PFKP: variants seen among roughly 807,000 people sequenced by gnomAD.
PFKP encodes phosphofructokinase, platelet.
Under a neutral mutation model 94.3 loss-of-function variants are expected in PFKP, and 101 were observed. That is an observed-to-expected ratio of 1.07 (90% CI 0.91 to 1.26). The LOEUF is 1.26. Ranked by LOEUF, PFKP falls within the 50% of genes most tolerant of loss-of-function variation. The pLI is 0.00. For missense variants in PFKP, 1,145 were observed against 1,103.3 expected, an observed-to-expected ratio of 1.04 and a Z score of -0.53; for synonymous variants, 573 against 432.6, an observed-to-expected ratio of 1.32 and a Z score of -4.03.
In PFKP at chr10:3,099,259, T is replaced by C. The variant is rs772116899; in HGVS notation, c.187-16T>C. 3.1e-6 allele frequency: 5 copies of C among 1,600,426 alleles called. No homozygotes were observed. The highest frequency in any genetic ancestry group is 4.3e-6 in the Non-Finnish European group (5 of 1,167,852). On this transcript the variant is annotated splice_polypyrimidine_tract_variant and intron_variant, in intron 2 of 21. Transcript: ENST00000381125. ...AGTTTATCTCATTTTTAAAAGATTCTCCCTTTCTCCCCTAGGGCTACCAGG... is the reference window on the plus strand; with the variant it reads ...AGTTTATCTCATTTTTAAAAGATTCCCCCTTTCTCCCCTAGGGCTACCAGG...
In PFKP at chr10:3,109,447, C is replaced by CGT; in HGVS notation, c.1058_1059dup (p.Arg354CysfsTer5). The CGT allele has an allele frequency of 6.2e-7, 1 of 1,606,836 alleles. No homozygotes were observed. Among genetic ancestry groups the CGT allele is most frequent in the Non-Finnish European group, 8.5e-7 (1 of 1,179,820 alleles). On this transcript the variant is annotated frameshift_variant, in exon 10 of 22. Transcript: ENST00000381125. LOFTEE classifies it high-confidence loss of function. ...TCGTGTCACTGAACGGGAACCACGC[C>CGT]GTGCGCCTGCCGCTGATGGAGTGCG... is the stretch of plus-strand genomic sequence containing the variant.
intron 11 of PFKP, 47 bp from the exon 12 acceptor site, chr10:3,113,072 G>T (rs7915793): frequency 0.25 from 394,907 of 1,553,118 alleles, 51,903 homozygotes; most frequent in Admixed American, 0.34. Context: ...GCCCTGAGTT[G>T]TGTCCGGTAT....
Position 3,134,019 on chromosome 10 carries a change from G to C in PFKP, c.2023-464G>C, listed in dbSNP as rs554004948. On this transcript the variant is annotated intron_variant, in intron 19 of 21. Coordinates refer to ENST00000381125, the MANE Select transcript of PFKP (RefSeq NM_002627.5). Reference sequence around the variant, plus strand: ...ACACACGTGTTATGAGCTGAGCCTGGGACACAGGGTCCAGGCCTCCTAACT... The same window carrying C: ...ACACACGTGTTATGAGCTGAGCCTGCGACACAGGGTCCAGGCCTCCTAACT... Among the ~76,000 whole-genome samples the C allele has an allele frequency of 2.0e-5, 3 of 152,180 alleles. No individual in the cohort carries two copies. In the South Asian group the frequency reaches 6.2e-4, roughly 32 times the overall value.
chr10:3,069,357 C>T, intron 1 of PFKP: 2 of 1,589,526 alleles, frequency 1.3e-6, no homozygotes, highest in Non-Finnish European at 1.7e-6. Context: ...ATAGCCTGGC[C>T]CGCGTGACTT....
At position 3,132,376 on chromosome 10, in the gene PFKP, C is replaced by T; in HGVS notation, c.1849-4C>T. ...TGTCTGATTAACAAAATACTCTCTT[C>T]CAGTCCAACGTGGAGCACCTGACGG... is the stretch of plus-strand genomic sequence containing the variant. On this transcript the variant is annotated splice_region_variant and splice_polypyrimidine_tract_variant and intron_variant, in intron 17 of 21. Coordinates refer to ENST00000381125, the MANE Select transcript of PFKP (RefSeq NM_002627.5). 1.9e-6 allele frequency: 3 copies of T among 1,604,562 alleles called. No homozygotes were observed. Among genetic ancestry groups the T allele is most frequent in the South Asian group, 1.1e-5 (1 of 90,864 alleles).
At chr10:3,105,049 G>C in intron 5 of PFKP, 66 bp from the exon 6 acceptor site, 1 of 1,470,338 alleles carries the variant, frequency 6.8e-7, no homozygotes, top group Non-Finnish European at 9.5e-7. Context: ...CCAGGACTGA[G>C]TGGGTGCTCC....
At chr10:3,078,161 C>T (rs889335811) in intron 1 of PFKP, among the ~76,000 whole-genome samples, 3 of 152,188 alleles carry the variant, frequency 2.0e-5, no homozygotes, top group Non-Finnish European at 2.9e-5. Context: ...CCAGGGCCCA[C>T]GGACAGCCCT....
At chr10:3,082,309 C>A in intron 1 of PFKP, 79 bp from the exon 2 acceptor site, 1 of 1,024,502 alleles carries the variant, frequency 9.8e-7, no homozygotes, top group South Asian at 1.6e-5. Flanking sequence ...GGAAACGGAC[C>A]CATGGTCATG....
intron 4 of PFKP, 89 bp from the exon 5 acceptor site, chr10:3,103,690 C>A: frequency 7.9e-7 from 1 of 1,264,168 alleles, no homozygotes; most frequent in Non-Finnish European, 1.1e-6. Context: ...ATTTCTCTAC[C>A]CATGGCCATT....
intron 1 of PFKP, among the ~76,000 whole-genome samples, chr10:3,081,513 C>G (rs1833074939): frequency 6.6e-6 from 1 of 152,238 alleles, no homozygotes; most frequent in Admixed American, 6.5e-5. Context: ...CTCAGGTGTT[C>G]CTCATCCTTA....
At chr10:3,092,253 C>G (rs1216052448) in intron 2 of PFKP, among the ~76,000 whole-genome samples, 1 of 152,208 alleles carries the variant, frequency 6.6e-6, no homozygotes, top group African/African-American at 2.4e-5. Context: ...CTGAGCATTA[C>G]AGCTTGACTT....
At chr10:3,131,202 G>A (rs867682470) in intron 17 of PFKP, among the ~76,000 whole-genome samples, 3 of 152,198 alleles carry the variant, frequency 2.0e-5, no homozygotes, top group Non-Finnish European at 1.5e-5. Context: ...ACAATTGCCT[G>A]CAGTATTCAA....
intron 4 of PFKP, 108 bp downstream of exon 4, chr10:3,101,662 T>A: frequency 1.4e-6 from 1 of 733,776 alleles, no homozygotes; most frequent in East Asian, 3.0e-5. Context: ...TTCTCACAGA[T>A]CTTACAGGTC....
chr10:3,126,388 C>A (rs1427804389), intron 16 of PFKP, among the ~76,000 whole-genome samples: 1 of 152,214 alleles, frequency 6.6e-6, no homozygotes, highest in African/African-American at 2.4e-5. Context: ...CGCACTTGAC[C>A]CCTGTTGGGT....
chr10:3,091,855 G>C (rs1359187374), intron 2 of PFKP, among the ~76,000 whole-genome samples: 1 of 152,174 alleles, frequency 6.6e-6, no homozygotes, highest in Admixed American at 6.5e-5. Context: ...GCTCTAGACA[G>C]CTGTTTGTAA....
chr10:3,113,150 C>T lies in PFKP; in HGVS notation c.1186C>T (p.Arg396Ter), dbSNP rs758132083. 3.0e-5 allele frequency: 49 copies of T among 1,613,220 alleles called. No homozygotes were observed. Among genetic ancestry groups the T allele is most frequent in the Admixed American group, 5.0e-5 (3 of 59,958 alleles). The stretch of plus-strand genomic sequence containing the variant: ...TGCGGGCAACCTGAACACCTACAAG[C>T]GACTTGCCATCAAGCTGCCGGATGA... Reference protein sequence around the residue: ...SFAGNLNTYKRLAIKLPDDQI... With the variant: ...SFAGNLNTYK The change falls in exon 12 of 22, where the codon CGA (arginine) becomes TGA (stop). Residue 396 changes from arginine (R) to a stop codon, truncating the protein, a stop_gained. Coordinates refer to ENST00000381125, the MANE Select transcript of PFKP (RefSeq NM_002627.5). LOFTEE classifies it high-confidence loss of function.
intron 1 of PFKP, among the ~76,000 whole-genome samples, chr10:3,072,908 C>A (rs1179893761): frequency 6.6e-6 from 1 of 151,974 alleles, no homozygotes; most frequent in Non-Finnish European, 1.5e-5. Context: ...GAATATAGAA[C>A]AGAGGGCCGT....
intron 17 of PFKP, among the ~76,000 whole-genome samples, chr10:3,131,191 C>T (rs927580950): frequency 2.6e-5 from 4 of 152,142 alleles, no homozygotes; most frequent in Admixed American, 1.3e-4. Context: ...TGTTTAGATA[C>T]ACAATTGCCT....
chr10:3,125,160 C>T (rs1564344515), intron 16 of PFKP: 1 of 1,350,580 alleles, frequency 7.4e-7, no homozygotes, highest in African/African-American at 1.5e-5. Context: ...TTGCATCCCC[C>T]TGTGTGTGGT....
Sources: gnomAD v4.1 joint callset for allele counts (sites outside exome capture counted in the v4.1 genomes callset) on GRCh38, gnomAD v4.1.1 for gene constraint, MANE v1.5 for transcripts, NCBI Gene and HGNC (gene_info 2026-07-23, HGNC 2026-07-21) for gene names.